The following GLMN variants were observed in gnomAD, a reference collection of about 807,000 sequenced individuals.
GLMN encodes the protein glomulin, FKBP associated protein.
A neutral mutation model predicts 87.8 loss-of-function variants in GLMN; 75 were observed. The ratio of observed to expected loss-of-function variants is 0.85; its 90% CI spans 0.71 to 1.04. The LOEUF (loss-of-function observed/expected upper bound fraction) is 1.04, where lower values mean the gene tolerates loss of function less well. Among genes scored for constraint, GLMN ranks in the 50% least tolerant of loss-of-function variants. The pLI is 0.00. For missense variants in GLMN, 588 were observed against 658.8 expected, an observed-to-expected ratio of 0.89 and a Z score of 1.18; for synonymous variants, 206 against 221.6, an observed-to-expected ratio of 0.93 and a Z score of 0.63.
the GLMN span, among the ~76,000 whole-genome samples, chr1:92,348,582 ATTATT>A: frequency 6.6e-6 from 1 of 151,894 alleles, no homozygotes; most frequent in Non-Finnish European, 1.5e-5. Context: ...CCTGCCCCAT[ATTATT>A]TTCTTATTTC....
chr1:92,355,166 T>G, the GLMN span, among the ~76,000 whole-genome samples: 2 of 152,022 alleles, frequency 1.3e-5, no homozygotes, highest in Admixed American at 1.3e-4. Flanking sequence ...TCATTAATTT[T>G]TATTTAACAT....
At chr1:92,274,089 A>C (rs1414864663) in intron 7 of GLMN, among the ~76,000 whole-genome samples, 1 of 152,186 alleles carries the variant, frequency 6.6e-6, no homozygotes, top group Non-Finnish European at 1.5e-5. Context: ...AGAACAGAAG[A>C]CATCTCCTCA....
At chr1:92,307,124 C>A in the GLMN span, 1 of 1,088,896 alleles carries the variant, frequency 9.2e-7, no homozygotes, top group Non-Finnish European at 1.4e-6. Context: ...GTTTTATACT[C>A]TCAACTGTAT....
At chr1:92,276,548 G>C (rs1647317202) in intron 7 of GLMN, among the ~76,000 whole-genome samples, 1 of 152,138 alleles carries the variant, frequency 6.6e-6, no homozygotes, top group Admixed American at 6.5e-5. Context: ...TGCAGTCCCA[G>C]CTACTTGGGA....
At chr1:92,299,033 G>A (rs1650549894), upstream of GLMN, 8 of 1,245,868 alleles carry the variant, frequency 6.4e-6, no homozygotes, top group Non-Finnish European at 8.8e-6. Context: ...CTCGGGGCGA[G>A]ACGCCGGAGC....
the GLMN span, among the ~76,000 whole-genome samples, chr1:92,308,456 G>A: frequency 6.6e-6 from 1 of 152,212 alleles, no homozygotes; most frequent in East Asian, 1.9e-4. Context: ...TCCTCTGAGA[G>A]CAACATGTTT....
Position 92,247,918 on chromosome 1 carries a change from CAT to C in GLMN, c.1543_1544del (p.Met515ValfsTer6). 1 of 1,405,128 alleles carries C rather than the reference CAT, an allele frequency of 7.1e-7. No individual in the cohort carries two copies. The allele number at this position is 1,405,128 out of a possible 1,614,324, so 87.0% of individuals were successfully genotyped here. On this transcript the variant is annotated frameshift_variant, in exon 17 of 19. Transcript: ENST00000370360. LOFTEE classifies it high-confidence loss of function. ...FLKPLHIGLN[M>X]SKAHYEAEIK... ...TTTCTGCTTCATAATGTGCTTTTGA[CAT>C]ATTAAGTCCTATATGAAGTGGCTTT...
At chr1:92,297,558 C>G in intron 2 of GLMN, 29 bp from the exon 3 acceptor site, 1 of 1,516,818 alleles carries the variant, frequency 6.6e-7, no homozygotes, top group South Asian at 1.2e-5. Context: ...ACCCAAAAAA[C>G]AAACAAAAAA....
upstream of GLMN, among the ~76,000 whole-genome samples, chr1:92,302,219 G>C (rs758001586): frequency 3.3e-5 from 5 of 151,940 alleles, no homozygotes; most frequent in Non-Finnish European, 7.4e-5. Context: ...AGACGTTGCA[G>C]TGAGCTGAGA....
intron 14 of GLMN, among the ~76,000 whole-genome samples, chr1:92,264,352 C>G (rs1655370762): frequency 6.6e-6 from 1 of 151,886 alleles, no homozygotes; most frequent in Admixed American, 6.6e-5. Context: ...TCAAAGAATA[C>G]AATTTAAACT....
At chr1:92,262,434 G>A (rs912913343) in intron 16 of GLMN, among the ~76,000 whole-genome samples, 4 of 152,182 alleles carry the variant, frequency 2.6e-5, no homozygotes, top group Admixed American at 6.5e-5. Flanking sequence ...AAAAGGTGCT[G>A]TTAACAAATT....
At chr1:92,352,269 C>G in the GLMN span, among the ~76,000 whole-genome samples, 1 of 152,238 alleles carries the variant, frequency 6.6e-6, no homozygotes, top group South Asian at 2.1e-4. Flanking sequence ...CATGCAAGTC[C>G]TGGGAAATGG....
chr1:92,347,149 T>C, the GLMN span, among the ~76,000 whole-genome samples: 1 of 152,166 alleles, frequency 6.6e-6, no homozygotes, highest in Non-Finnish European at 1.5e-5. Context: ...ACATAGAAAA[T>C]AACTTTACTT....
the GLMN span, among the ~76,000 whole-genome samples, chr1:92,353,616 A>C: frequency 2.6e-5 from 4 of 152,292 alleles, no homozygotes; most frequent in African/African-American, 9.6e-5. Context: ...AGTATCCATA[A>C]AATTCATTTT....
At chr1:92,361,417 G>A in the GLMN span, among the ~76,000 whole-genome samples, 1 of 152,012 alleles carries the variant, frequency 6.6e-6, no homozygotes, top group African/African-American at 2.4e-5. Context: ...TGAATGGATG[G>A]GAAAAACTTG....
At chr1:92,336,015 C>G in the GLMN span, among the ~76,000 whole-genome samples, 1 of 152,154 alleles carries the variant, frequency 6.6e-6, no homozygotes, top group Admixed American at 6.5e-5. Context: ...TCAGATTGGA[C>G]CATTTTGGGG....
At chr1:92,340,919 T>C in the GLMN span, among the ~76,000 whole-genome samples, 1 of 152,252 alleles carries the variant, frequency 6.6e-6, no homozygotes, top group Non-Finnish European at 1.5e-5. Context: ...AATTTATTTT[T>C]ACACAAAAGT....
chr1:92,340,723 C>T, the GLMN span, among the ~76,000 whole-genome samples: 2 of 152,072 alleles, frequency 1.3e-5, no homozygotes, highest in Non-Finnish European at 2.9e-5. Flanking sequence ...GCAGCTTTTT[C>T]GGCTCTATGA....
chr1:92,264,501 T>TA (rs1655389156), intron 14 of GLMN, 53 bp downstream of exon 14: 2 of 842,002 alleles, frequency 2.4e-6, no homozygotes, highest in Non-Finnish European at 4.2e-6. Flanking sequence ...TACATATGAA[T>TA]AAATATACCC....
Sources: allele counts gnomAD v4.1 joint callset (sites outside exome capture counted in the v4.1 genomes callset), GRCh38; gene constraint gnomAD v4.1.1; transcripts MANE v1.5; gene names NCBI Gene and HGNC (gene_info 2026-07-23, HGNC 2026-07-21).